The following BNC2 variants were observed in gnomAD, a reference collection of about 807,000 sequenced individuals.
BNC2 encodes zinc finger protein basonuclin-2.
A neutral mutation model predicts 76.3 loss-of-function variants in BNC2; 20 were observed. The ratio of observed to expected loss-of-function variants is 0.26; its 90% CI spans 0.18 to 0.38. The LOEUF is 0.38. Ranked by LOEUF, BNC2 falls within the 10% of genes least tolerant of loss-of-function variation. The pLI is 1.00. For missense variants in BNC2, 1,382 were observed against 1,399.8 expected (o/e 0.99, Z 0.20); for synonymous variants, 582 against 514.8 (o/e 1.13, Z -1.77).
chr9:16,544,846 A>C (rs1818430088), intron 5 of BNC2, among the ~76,000 whole-genome samples: 1 of 152,124 alleles, frequency 6.6e-6, no homozygotes. Context: ...TTACTTTAAA[A>C]AATGCACACA....
At chr9:16,646,135 C>A (rs1178746160) in intron 3 of BNC2, among the ~76,000 whole-genome samples, 1 of 152,184 alleles carries the variant, frequency 6.6e-6, no homozygotes, top group Non-Finnish European at 1.5e-5. Flanking sequence ...TGTTCTAAAC[C>A]ATCTCAGTGA....
intron 1 of BNC2, among the ~76,000 whole-genome samples, chr9:16,753,145 T>A (rs1344790336): frequency 1.1e-4 from 4 of 37,726 alleles, no homozygotes; most frequent in Admixed American, 3.2e-4. Context: ...GCAGTTTGAA[T>A]AGTAACAATG....
intron 5 of BNC2, among the ~76,000 whole-genome samples, chr9:16,529,973 G>C (rs957454600): frequency 7.9e-5 from 12 of 152,024 alleles, no homozygotes; most frequent in Admixed American, 5.2e-4. Flanking sequence ...CTCAGCTTCT[G>C]AGTAGCTGGG....
At chr9:16,460,545 C>T (rs1209732060) in intron 5 of BNC2, among the ~76,000 whole-genome samples, 2 of 152,130 alleles carry the variant, frequency 1.3e-5, no homozygotes, top group Non-Finnish European at 2.9e-5. Flanking sequence ...ATCACTTGTA[C>T]TCGGGAGGCA....
intron 5 of BNC2, among the ~76,000 whole-genome samples, chr9:16,525,132 T>C (rs1817757719): frequency 8.6e-6 from 1 of 115,988 alleles, no homozygotes; most frequent in Non-Finnish European, 1.7e-5. Flanking sequence ...AAAATACTAG[T>C]AGATAACATT....
At chr9:16,675,987 C>T (rs1038104083) in intron 3 of BNC2, among the ~76,000 whole-genome samples, 4 of 152,230 alleles carry the variant, frequency 2.6e-5, no homozygotes, top group African/African-American at 9.6e-5. Context: ...ATCTCTTGAA[C>T]CCGGGAGGCA....
intron 5 of BNC2, among the ~76,000 whole-genome samples, chr9:16,457,002 G>A (rs892198182): frequency 3.9e-5 from 6 of 152,174 alleles, no homozygotes; most frequent in Non-Finnish European, 8.8e-5. Flanking sequence ...GAGTATATGT[G>A]GTGGGGAGAG....
At chr9:16,789,617 C>T (rs1817444534) in intron 1 of BNC2, among the ~76,000 whole-genome samples, 1 of 152,190 alleles carries the variant, frequency 6.6e-6, no homozygotes, top group African/African-American at 2.4e-5. Context: ...CTCATACACT[C>T]AGGCTATGTG....
At chr9:16,597,844 C>T (rs1820135425) in intron 3 of BNC2, among the ~76,000 whole-genome samples, 1 of 151,794 alleles carries the variant, frequency 6.6e-6, no homozygotes, top group Admixed American at 6.6e-5. Flanking sequence ...ATTTATTTAT[C>T]GTATAAAGAT....
intron 5 of BNC2, among the ~76,000 whole-genome samples, chr9:16,494,362 G>A (rs750387074): frequency 8.6e-5 from 13 of 151,910 alleles, no homozygotes; most frequent in East Asian, 3.9e-4. Context: ...CATGTTGGCC[G>A]GGGTGGTCTC....
intron 2 of BNC2, among the ~76,000 whole-genome samples, chr9:16,732,793 T>C (rs1170183080): frequency 6.6e-6 from 1 of 152,174 alleles, no homozygotes; most frequent in African/African-American, 2.4e-5. Flanking sequence ...CTTGCCAAAA[T>C]AATAAAAATG....
At chr9:16,655,230 T>C (rs1035775546) in intron 3 of BNC2, among the ~76,000 whole-genome samples, 1 of 152,140 alleles carries the variant, frequency 6.6e-6, no homozygotes, top group African/African-American at 2.4e-5. Context: ...AAATGCTTCA[T>C]GACCATGCTA....
chr9:16,671,187 C>T (rs1439196174), intron 3 of BNC2, among the ~76,000 whole-genome samples: 1 of 152,140 alleles, frequency 6.6e-6, no homozygotes, highest in Non-Finnish European at 1.5e-5. Flanking sequence ...CTAGGATCCT[C>T]CCTAAACAAA....
intron 1 of BNC2, among the ~76,000 whole-genome samples, chr9:16,805,740 AAC>A (rs1817894092): frequency 6.9e-6 from 1 of 144,786 alleles, no homozygotes. Context: ...CACACACGCA[AAC>A]ACAGTGTCCC....
At chr9:16,805,240 C>T (rs1001822584) in intron 1 of BNC2, among the ~76,000 whole-genome samples, 3 of 152,178 alleles carry the variant, frequency 2.0e-5, no homozygotes, top group African/African-American at 4.8e-5. Flanking sequence ...TGCAAGGCTA[C>T]ATAAGCACAG....
rs1050589220 is a variant in BNC2, at chr9:16,542,455, C to T, written c.669+10075G>A. 2.0e-5 allele frequency among the ~76,000 whole-genome samples: 3 copies of T among 152,112 alleles called. No individual in the cohort carries two copies. The South Asian group carries it at 6.2e-4, about 32-fold the overall frequency. On this transcript the variant is annotated intron_variant, in intron 5 of 6. Coordinates refer to ENST00000380672, the MANE Select transcript of BNC2 (RefSeq NM_017637.6). The stretch of plus-strand genomic sequence containing the variant: ...TAACAGATCACTCAGTTGCCACCAA[C>T]AAATGAAAAAACTTCCTAGATACCA...
chr9:16,822,041 C>G (rs1818347887), intron 1 of BNC2, among the ~76,000 whole-genome samples: 1 of 142,958 alleles, frequency 7.0e-6, no homozygotes, highest in Middle Eastern at 3.9e-3. Flanking sequence ...TGCAGTGAGC[C>G]GAGATCGCGC....
intron 3 of BNC2, among the ~76,000 whole-genome samples, chr9:16,723,510 G>A (rs1047370044): frequency 2.7e-5 from 4 of 149,616 alleles, no homozygotes; most frequent in Non-Finnish European, 5.9e-5. Flanking sequence ...TTGGGGGGGG[G>A]GACAAAAACA....
At chr9:16,452,572 G>C (rs538856376) in intron 5 of BNC2, among the ~76,000 whole-genome samples, 10 of 152,142 alleles carry the variant, frequency 6.6e-5, no homozygotes, top group Non-Finnish European at 7.4e-5. Flanking sequence ...GCCATGCCCG[G>C]CTAATTTTTG....
Sources: allele counts gnomAD v4.1 joint callset (sites outside exome capture counted in the v4.1 genomes callset), GRCh38; gene constraint gnomAD v4.1.1; transcripts MANE v1.5; gene names NCBI Gene and HGNC (gene_info 2026-07-23, HGNC 2026-07-21).